ROR1: variants seen among roughly 807,000 people sequenced by gnomAD.
ROR1 encodes the protein inactive tyrosine-protein kinase transmembrane receptor ROR1.
ROR1 carries 19 observed loss-of-function variants against 78.8 expected under a neutral mutation model. That is an observed-to-expected ratio of 0.24 (90% CI 0.17 to 0.35). The LOEUF (loss-of-function observed/expected upper bound fraction) is 0.35, where lower values mean the gene tolerates loss of function less well. Among genes scored for constraint, ROR1 ranks in the 10% least tolerant of loss-of-function variants. The pLI is 1.00. For missense variants in ROR1, 917 were observed against 1,177.8 expected, an observed-to-expected ratio of 0.78 and a Z score of 3.24; for synonymous variants, 386 against 433.6, an observed-to-expected ratio of 0.89 and a Z score of 1.36.
intron 4 of ROR1, among the ~76,000 whole-genome samples, chr1:64,117,332 G>A (rs1309037823): frequency 2.0e-5 from 3 of 152,158 alleles, no homozygotes; most frequent in African/African-American, 7.2e-5. Context: ...ATCAAATAGA[G>A]ATAATATATG....
chr1:63,885,656 A>C (rs1645351791), intron 1 of ROR1, among the ~76,000 whole-genome samples: 1 of 152,064 alleles, frequency 6.6e-6, no homozygotes. Context: ...TTCTCTCCTC[A>C]CCTCTTTAGC....
At chr1:63,839,689 A>G (rs1645038286) in intron 1 of ROR1, among the ~76,000 whole-genome samples, 1 of 152,108 alleles carries the variant, frequency 6.6e-6, no homozygotes, top group South Asian at 2.1e-4. Context: ...TGCCCTATGC[A>G]TACATTTTTA....
chr1:64,046,138 GCAGACC>G (rs936862529), intron 2 of ROR1, among the ~76,000 whole-genome samples: 22 of 152,254 alleles, frequency 1.4e-4, no homozygotes, highest in African/African-American at 5.3e-4. Context: ...CTCAGAAGAA[GCAGACC>G]CAACCCCAAA....
rs373558937 is a variant in ROR1 at position 64,103,521 on chromosome 1, A to G, written c.483-33848A>G. Reference sequence around the variant, plus strand: ...TAAAAAATATATAATTGCCATTTCAATATATTTAACTGCAATTATCAATTA... The same window carrying G: ...TAAAAAATATATAATTGCCATTTCAGTATATTTAACTGCAATTATCAATTA... On this transcript the variant is annotated intron_variant, in intron 4 of 8. Transcript: ENST00000371079. Among the ~76,000 whole-genome samples, 37 of 152,324 alleles carry G rather than the reference A, an allele frequency of 2.4e-4. 2 individuals carry two copies. The highest frequency in any genetic ancestry group is 9.8e-4 in the Admixed American group (15 of 15,288).
chr1:63,880,374 A>G (rs1343532328), intron 1 of ROR1, among the ~76,000 whole-genome samples: 1 of 152,128 alleles, frequency 6.6e-6, no homozygotes, highest in Non-Finnish European at 1.5e-5. Flanking sequence ...GAGGCAAATG[A>G]TAATATGTTT....
intron 4 of ROR1, among the ~76,000 whole-genome samples, chr1:64,074,062 G>A (rs1285999490): frequency 6.6e-6 from 1 of 152,112 alleles, no homozygotes; most frequent in Non-Finnish European, 1.5e-5. Context: ...GACATCTGCT[G>A]TGCTTGCTTG....
chr1:63,917,986 G>A (rs1289922291), intron 1 of ROR1, among the ~76,000 whole-genome samples: 1 of 152,166 alleles, frequency 6.6e-6, no homozygotes, highest in East Asian at 1.9e-4. Context: ...GAGAGGATGA[G>A]AAAGCCAGCT....
intron 1 of ROR1, among the ~76,000 whole-genome samples, chr1:64,003,893 C>A (rs1394055985): frequency 6.6e-6 from 1 of 152,210 alleles, no homozygotes; most frequent in Non-Finnish European, 1.5e-5. Context: ...GTCTCAAAGC[C>A]ATCAGCATCT....
chr1:63,893,615 T>C (rs1645416795), intron 1 of ROR1, among the ~76,000 whole-genome samples: 1 of 152,188 alleles, frequency 6.6e-6, no homozygotes, highest in Non-Finnish European at 1.5e-5. Context: ...ACATATGGAC[T>C]CTTATTTTTT....
intron 1 of ROR1, among the ~76,000 whole-genome samples, chr1:63,984,089 T>G (rs558311169): frequency 6.6e-6 from 1 of 152,298 alleles, no homozygotes; most frequent in South Asian, 2.1e-4. Context: ...AAACATGCCT[T>G]TCCTAGTTTT....
intron 1 of ROR1, among the ~76,000 whole-genome samples, chr1:63,959,311 G>C (rs1024637289): frequency 4.0e-5 from 5 of 126,254 alleles, no homozygotes; most frequent in Admixed American, 3.5e-4. Context: ...TGGGGATTAG[G>C]GGAACAAGAT....
intron 2 of ROR1, among the ~76,000 whole-genome samples, chr1:64,019,926 C>T (rs968708015): frequency 6.6e-6 from 1 of 152,124 alleles, no homozygotes; most frequent in African/African-American, 2.4e-5. Context: ...TCCCCAGAAG[C>T]CTAAATGCCT....
At chr1:63,986,125 G>A (rs1365762884) in intron 1 of ROR1, among the ~76,000 whole-genome samples, 2 of 152,106 alleles carry the variant, frequency 1.3e-5, no homozygotes, top group Non-Finnish European at 2.9e-5. Flanking sequence ...TTGAAAAATG[G>A]TATAGAGGGG....
chr1:64,016,139 G>C (rs1243632685), intron 2 of ROR1, among the ~76,000 whole-genome samples: 1 of 152,124 alleles, frequency 6.6e-6, no homozygotes, highest in Non-Finnish European at 1.5e-5. Flanking sequence ...ACCTATTTAA[G>C]CTCTGGGCCT....
chr1:63,948,255 G>A (rs1045819663), intron 1 of ROR1, among the ~76,000 whole-genome samples: 5 of 151,260 alleles, frequency 3.3e-5, no homozygotes, highest in Admixed American at 6.6e-5. Flanking sequence ...TTTTACAATA[G>A]ATACTATAAT....
At chr1:63,974,800 C>A (rs568668682) in intron 1 of ROR1, among the ~76,000 whole-genome samples, 6 of 152,160 alleles carry the variant, frequency 3.9e-5, no homozygotes, top group Non-Finnish European at 7.4e-5. Context: ...CCATCACCAC[C>A]GGCTACCAAC....
chr1:64,168,087 A>C (rs1650134412), intron 8 of ROR1, among the ~76,000 whole-genome samples: 1 of 152,206 alleles, frequency 6.6e-6, no homozygotes, highest in African/African-American at 2.4e-5. Flanking sequence ...GGGCAGTCGT[A>C]ATATGAATCT....
In ROR1 at chr1:64,142,442, G is replaced by A; in HGVS notation, c.966G>A (p.Arg322=). 6.2e-7 allele frequency: 1 copy of A among 1,614,088 alleles called. No individual in the cohort carries two copies. Among genetic ancestry groups the A allele is most frequent in the East Asian group, 2.2e-5 (1 of 44,868 alleles). ...KCYNSTGVDY[R]GTVSVTKSGR... ...ATAACAGCACAGGTGTGGACTACCG[G>A]GGGACCGTCAGTGTGACCAAATCAG... The change falls in exon 7 of 9, where the codon CGG becomes CGA. Residue 322 remains arginine, a synonymous_variant. Transcript: ENST00000371079.
chr1:64,039,717 T>C (rs1646731294), intron 2 of ROR1, among the ~76,000 whole-genome samples: 1 of 152,190 alleles, frequency 6.6e-6, no homozygotes, highest in Non-Finnish European at 1.5e-5. Context: ...CAGAGATGAC[T>C]TATGATGTGT....
Sources: allele counts gnomAD v4.1 joint callset (sites outside exome capture counted in the v4.1 genomes callset), GRCh38; gene constraint gnomAD v4.1.1; transcripts MANE v1.5; gene names NCBI Gene and HGNC (gene_info 2026-07-23, HGNC 2026-07-21).